FAM177A1: variants seen among roughly 807,000 people sequenced by gnomAD.
FAM177A1 encodes family with sequence similarity 177 member A1.
FAM177A1 carries 22 observed loss-of-function variants against 26.1 expected under a neutral mutation model. The ratio of observed to expected loss-of-function variants is 0.84; its 90% CI spans 0.60 to 1.20. The LOEUF (loss-of-function observed/expected upper bound fraction) is 1.20. FAM177A1 is among the 50% of genes most tolerant of loss of function. The pLI, the probability that FAM177A1 is intolerant of heterozygous loss-of-function variation, is 0.00. For missense variants in FAM177A1, 296 were observed against 291.1 expected, an observed-to-expected ratio of 1.02 and a Z score of -0.12; for synonymous variants, 95 against 99.3, an observed-to-expected ratio of 0.96 and a Z score of 0.26.
chr14:35,053,720 G>A (rs537024541), intron 2 of FAM177A1, among the ~76,000 whole-genome samples: 20 of 152,106 alleles, frequency 1.3e-4, no homozygotes, highest in African/African-American at 4.8e-5. Flanking sequence ...AGCCAGGCGC[G>A]GTGGCTCACA....
rs4007475 is a variant in FAM177A1, at chr14:35,046,400, TGG to T, written c.-62_-61del. ...GCTAGGCGCGGCGCGAGGCGGGCGC[TGG>T]GCGGGTGAGTCCCACTTCCCGACAG... On this transcript the variant is annotated 5_prime_UTR_variant, in exon 1 of 5. Transcript: ENST00000280987. 0.82 allele frequency: 1,166,524 copies of T among 1,420,034 alleles called. 482,617 individuals are homozygous for T. Among genetic ancestry groups the T allele is most frequent in the Non-Finnish European group, 0.85 (911,972 of 1,078,296 alleles). 88.0% of individuals were successfully genotyped at this position (1,420,034 alleles called of 1,614,324 possible).
chr14:35,073,484 GC>G (rs1304558588), intron 2 of FAM177A1, among the ~76,000 whole-genome samples: 1 of 152,218 alleles, frequency 6.6e-6, no homozygotes, highest in East Asian at 1.9e-4. Context: ...GTGTTTGGGG[GC>G]AAGTACAACA....
chr14:35,071,342 A>G (rs547917743), intron 2 of FAM177A1, among the ~76,000 whole-genome samples: 145 of 152,294 alleles, frequency 9.5e-4, no homozygotes, highest in African/African-American at 3.3e-3. Flanking sequence ...TATGACTTTT[A>G]TAATCTGAAA....
intron 1 of FAM177A1, chr14:35,047,089 G>T: frequency 1.1e-6 from 1 of 885,052 alleles, no homozygotes; most frequent in East Asian, 1.2e-4. Context: ...CTCGAGGTGG[G>T]TGTTAGCCCC....
intron 2 of FAM177A1, among the ~76,000 whole-genome samples, chr14:35,058,201 G>A (rs770069412): frequency 2.9e-4 from 44 of 151,992 alleles, no homozygotes; most frequent in Non-Finnish European, 5.3e-4. Context: ...AGCCTCCCAT[G>A]TAGCTGAGAT....
chr14:35,065,177 C>CT (rs540285544), intron 2 of FAM177A1, among the ~76,000 whole-genome samples: 59 of 143,874 alleles, frequency 4.1e-4, no homozygotes, highest in Middle Eastern at 3.6e-3. Context: ...TGGAGGGAAA[C>CT]TTTTTTTTTT....
At chr14:35,052,497 G>A (rs188220793) in intron 1 of FAM177A1, among the ~76,000 whole-genome samples, 2 of 151,822 alleles carry the variant, frequency 1.3e-5, no homozygotes, top group Admixed American at 6.6e-5. Context: ...GTATGAGCCC[G>A]CGCCTGGCCC....
chr14:35,075,542 A>G (rs550874934), intron 2 of FAM177A1, among the ~76,000 whole-genome samples: 145 of 152,284 alleles, frequency 9.5e-4, no homozygotes, highest in African/African-American at 3.3e-3. Context: ...GGCATGGTCA[A>G]GGACTTCATG....
chr14:35,064,897 C>T (rs1366892585), intron 2 of FAM177A1, among the ~76,000 whole-genome samples: 1 of 152,072 alleles, frequency 6.6e-6, no homozygotes, highest in Admixed American at 6.6e-5. Flanking sequence ...CGTGATCCGC[C>T]CGCTTCAGCC....
In FAM177A1 at chr14:35,081,257, TTAAG is replaced by T. The variant is rs1004694915; in HGVS notation, c.*31_*34del. 43 of 1,562,230 alleles carry T rather than the reference TTAAG, an allele frequency of 2.8e-5. No individual in the cohort carries two copies. Among genetic ancestry groups the T allele is most frequent in the Non-Finnish European group, 3.4e-5 (40 of 1,162,066 alleles). ...GAAATGACTATCAAGCTTCAAACTC[TTAAG>T]TTTTTTTTTTTTAATACAAAAACTT... On this transcript the variant is annotated 3_prime_UTR_variant, in exon 5 of 5. Coordinates refer to ENST00000280987, the MANE Select transcript of FAM177A1 (RefSeq NM_173607.5).
chr14:35,046,716 T>TCCTCCGAGCAGGCCGC (rs2044872269), intron 1 of FAM177A1, 88 bp downstream of exon 1: 1 of 1,434,934 alleles, frequency 7.0e-7, no homozygotes, highest in Non-Finnish European at 9.2e-7. Context: ...TGCGCGGCCG[T>TCCTCCGAGCAGGCCGC]CCTCCGAGCA....
chr14:35,059,284 CTGTT>C lies in FAM177A1; in HGVS notation c.339+5837_339+5840del, dbSNP rs531316164. Reference sequence around the variant, plus strand: ...TTCTTCCATCCCTTTTACTGTGAATCTGTTTGTATTTTTTAATCTAAAGTATCTC... The same window carrying C: ...TTCTTCCATCCCTTTTACTGTGAATCTGTATTTTTTAATCTAAAGTATCTC... On this transcript the variant is annotated intron_variant, in intron 2 of 4. Transcript: ENST00000280987. Among the ~76,000 whole-genome samples, 11 of 152,008 alleles carry C rather than the reference CTGTT, an allele frequency of 7.2e-5. No individual in the cohort carries two copies. In the South Asian group the frequency reaches 2.1e-3, roughly 29 times the overall value.
chr14:35,070,336 T>G (rs2045302704), intron 2 of FAM177A1, among the ~76,000 whole-genome samples: 2 of 148,808 alleles, frequency 1.3e-5, no homozygotes, highest in Admixed American at 1.3e-4. Flanking sequence ...TAACAATATT[T>G]TTTTTTTCTT....
At chr14:35,057,054 T>A (rs774143293) in intron 2 of FAM177A1, among the ~76,000 whole-genome samples, 2 of 152,192 alleles carry the variant, frequency 1.3e-5, no homozygotes, top group African/African-American at 4.8e-5. Flanking sequence ...CTCTATTAAT[T>A]TCTGCTCTTG....
At chr14:35,078,799 AT>A in intron 3 of FAM177A1, 127 bp from the exon 4 acceptor site, 1 of 584,284 alleles carries the variant, frequency 1.7e-6, no homozygotes. Context: ...AGATAGATCT[AT>A]TAGGTTTTTA....
intron 1 of FAM177A1, among the ~76,000 whole-genome samples, chr14:35,049,414 G>T (rs891973823): frequency 2.6e-5 from 4 of 152,176 alleles, no homozygotes; most frequent in Admixed American, 6.6e-5. Flanking sequence ...AGATGACAAA[G>T]AATAAATTCT....
chr14:35,045,464 T>TTA (rs1340671850), upstream of FAM177A1, among the ~76,000 whole-genome samples: 1 of 152,138 alleles, frequency 6.6e-6, no homozygotes, highest in Non-Finnish European at 1.5e-5. Context: ...TGAAAAACAT[T>TTA]TACAAGGTCA....
intron 2 of FAM177A1, among the ~76,000 whole-genome samples, chr14:35,059,535 C>CTTT (rs767772869): frequency 8.3e-5 from 10 of 120,452 alleles, no homozygotes; most frequent in East Asian, 2.4e-4. Flanking sequence ...ATTTACATTT[C>CTTT]TTTTTTTTTT....
In FAM177A1 at chr14:35,062,307, T is replaced by C. The variant is rs188771067; in HGVS notation, c.339+8856T>C. Reference sequence around the variant, plus strand: ...GGGCCCAGAGTTCCTCATGCTGTTATGATAGAGGTCTATATCCACTATTAA... The same window carrying C: ...GGGCCCAGAGTTCCTCATGCTGTTACGATAGAGGTCTATATCCACTATTAA... On this transcript the variant is annotated intron_variant, in intron 2 of 4. Transcript: ENST00000280987. Among the ~76,000 whole-genome samples the C allele has an allele frequency of 1.1e-3, 165 of 152,312 alleles. 1 individual carries two copies. Among genetic ancestry groups the C allele is most frequent in the African/African-American group, 3.6e-3 (148 of 41,576 alleles).
Sources: allele counts gnomAD v4.1 joint callset (sites outside exome capture counted in the v4.1 genomes callset), GRCh38; gene constraint gnomAD v4.1.1; transcripts MANE v1.5; gene names NCBI Gene and HGNC (gene_info 2026-07-23, HGNC 2026-07-21).